Variants in KHDRBS2 observed in about 807,000 individuals in gnomAD.
KHDRBS2 encodes the protein KH domain-containing, RNA-binding, signal transduction-associated protein 2.
Under a neutral mutation model 44.3 loss-of-function variants are expected in KHDRBS2, and 26 were observed. The observed-to-expected ratio is 0.59, with a 90% CI of 0.43 to 0.81. The LOEUF is 0.81. Ranked by LOEUF, KHDRBS2 falls within the 40% of genes least tolerant of loss-of-function variation. The probability of loss-of-function intolerance (pLI) is 0.00; values close to 1 mark genes in which losing one functional copy is unlikely to be tolerated. For synonymous variants in KHDRBS2, 194 were observed against 151.1 expected, an observed-to-expected ratio of 1.28 and a Z score of -2.08; for missense variants, 476 against 433.1, an observed-to-expected ratio of 1.10 and a Z score of -0.88.
chr6:61,697,668 T>C (rs1768063923), intron 7 of KHDRBS2, among the ~76,000 whole-genome samples: 1 of 152,164 alleles, frequency 6.6e-6, no homozygotes, highest in Non-Finnish European at 1.5e-5. Context: ...AACACTAAAC[T>C]GTATTTATAA....
chr6:61,738,570 A>T (rs1466640876), intron 6 of KHDRBS2, among the ~76,000 whole-genome samples: 2 of 151,980 alleles, frequency 1.3e-5, no homozygotes, highest in Non-Finnish European at 2.9e-5. Flanking sequence ...CCTGAGCTAT[A>T]ATGAAATAAG....
chr6:61,765,686 T>A (rs1273920457), intron 6 of KHDRBS2, among the ~76,000 whole-genome samples: 2 of 151,720 alleles, frequency 1.3e-5, no homozygotes, highest in East Asian at 3.9e-4. Context: ...TTTTGAGGGT[T>A]TTTTTAAATC....
intron 6 of KHDRBS2, among the ~76,000 whole-genome samples, chr6:61,833,383 C>T (rs1349387736): frequency 6.6e-6 from 1 of 152,160 alleles, no homozygotes; most frequent in South Asian, 2.1e-4. Flanking sequence ...TAACATCTCC[C>T]AAATGGAATA....
chr6:62,190,319 G>A (rs940764098), intron 1 of KHDRBS2, among the ~76,000 whole-genome samples: 6 of 152,110 alleles, frequency 3.9e-5, no homozygotes, highest in African/African-American at 9.7e-5. Flanking sequence ...CTTTAGAGTG[G>A]ATTTATGAGA....
At chr6:61,563,450 C>T in the KHDRBS2 span, among the ~76,000 whole-genome samples, 1 of 152,076 alleles carries the variant, frequency 6.6e-6, no homozygotes, top group African/African-American at 2.4e-5. Context: ...TATTGCCTTA[C>T]AGAGATTTCT....
chr6:62,070,013 C>T (rs180875642), intron 2 of KHDRBS2, among the ~76,000 whole-genome samples: 94 of 151,522 alleles, frequency 6.2e-4, no homozygotes, highest in African/African-American at 2.2e-3. Context: ...TGTGTCTTAC[C>T]ATGAAAAGGT....
intron 1 of KHDRBS2, among the ~76,000 whole-genome samples, chr6:62,210,919 T>G (rs1263890834): frequency 2.6e-5 from 4 of 152,162 alleles, no homozygotes; most frequent in African/African-American, 9.6e-5. Flanking sequence ...TTTAATGGAC[T>G]ATAAGGTTTC....
intron 6 of KHDRBS2, among the ~76,000 whole-genome samples, chr6:61,866,310 A>C (rs2127298974): frequency 6.6e-6 from 1 of 152,354 alleles, no homozygotes; most frequent in Admixed American, 6.5e-5. Context: ...GTGCACCAGC[A>C]GTCTCAACAC....
chr6:61,749,699 G>T (rs1777386472), intron 6 of KHDRBS2, among the ~76,000 whole-genome samples: 1 of 152,106 alleles, frequency 6.6e-6, no homozygotes, highest in African/African-American at 2.4e-5. Flanking sequence ...AAATAAAACG[G>T]AGAAAACATT....
the KHDRBS2 span, among the ~76,000 whole-genome samples, chr6:61,644,540 T>C: frequency 1.2e-4 from 18 of 152,248 alleles, no homozygotes; most frequent in African/African-American, 3.9e-4. Flanking sequence ...GGAGAAAGTA[T>C]TTATTTACAA....
Position 61,930,528 on chromosome 6 carries a change from AAAAAAAAAAAAAAAAAAG to A in KHDRBS2, c.484-29175_484-29158del, listed in dbSNP as rs1433442109. Among the ~76,000 whole-genome samples, 76 of 24,774 alleles carry A rather than the reference AAAAAAAAAAAAAAAAAAG, an allele frequency of 3.1e-3. 1 individual carries two copies. Among genetic ancestry groups the A allele is most frequent in the East Asian group, 8.1e-3 (5 of 618 alleles). 16.3% of individuals were successfully genotyped at this position (24,774 alleles called of 152,430 possible). ...AATGGACCCTATACCGCCCCTAAAA[AAAAAAAAAAAAAAAAAAG>A]AAAAAAAAAAAAAAAAAAAAAGGCT... On this transcript the variant is annotated intron_variant, in intron 4 of 8. Transcript: ENST00000281156.
intron 1 of KHDRBS2, among the ~76,000 whole-genome samples, chr6:62,270,277 ATCTCTCTCTCTCTCTCTCTCTCTCCTC>A (rs1839863609): frequency 8.3e-6 from 1 of 120,642 alleles, no homozygotes; most frequent in African/African-American, 3.3e-5. Flanking sequence ...GTGGAACCCC[ATCTCTCTCTCTCTCTCTCTCTCTCCTC>A]TCTCTCTCTC....
intron 3 of KHDRBS2, among the ~76,000 whole-genome samples, chr6:61,985,281 T>C (rs1774836925): frequency 6.6e-6 from 1 of 152,162 alleles, no homozygotes; most frequent in South Asian, 2.1e-4. Flanking sequence ...GACCGAAATA[T>C]TTTATTTATT....
At chr6:62,234,406 T>C (rs987106888) in intron 1 of KHDRBS2, among the ~76,000 whole-genome samples, 28 of 152,108 alleles carry the variant, frequency 1.8e-4, no homozygotes, top group Admixed American at 7.9e-4. Flanking sequence ...ATTTATTCAA[T>C]CAGTCGGAAA....
At chr6:61,583,280 G>A in the KHDRBS2 span, among the ~76,000 whole-genome samples, 1 of 151,794 alleles carries the variant, frequency 6.6e-6, no homozygotes, top group Non-Finnish European at 1.5e-5. Context: ...AAATATTTTT[G>A]AGATTCATCT....
chr6:62,195,059 AACATGGGAT>A (rs1295854265), intron 1 of KHDRBS2, among the ~76,000 whole-genome samples: 1 of 152,158 alleles, frequency 6.6e-6, no homozygotes, highest in Non-Finnish European at 1.5e-5. Context: ...TCAAATGATG[AACATGGGAT>A]ACATTTACAT....
chr6:62,004,647 C>T (rs1778892439), intron 3 of KHDRBS2, among the ~76,000 whole-genome samples: 1 of 152,124 alleles, frequency 6.6e-6, no homozygotes, highest in Non-Finnish European at 1.5e-5. Flanking sequence ...GGAATCCTCC[C>T]TAACTCATTT....
intron 2 of KHDRBS2, among the ~76,000 whole-genome samples, chr6:62,061,540 T>A (rs1264074666): frequency 6.7e-6 from 1 of 148,786 alleles, no homozygotes; most frequent in Non-Finnish European, 1.5e-5. Flanking sequence ...TGCCAAGAGA[T>A]CCGCTGTTAG....
At chr6:62,238,042 G>T (rs1051057843) in intron 1 of KHDRBS2, among the ~76,000 whole-genome samples, 6 of 123,906 alleles carry the variant, frequency 4.8e-5, no homozygotes, top group Non-Finnish European at 1.7e-5. Context: ...AACAGGGCAA[G>T]ACTCTGTCTC....
Sources: gnomAD v4.1 joint callset for allele counts (sites outside exome capture counted in the v4.1 genomes callset) on GRCh38, gnomAD v4.1.1 for gene constraint, MANE v1.5 for transcripts, NCBI Gene and HGNC (gene_info 2026-07-23, HGNC 2026-07-21) for gene names.